The following CAMTA2 variants were observed in gnomAD, a reference collection of about 807,000 sequenced individuals.
CAMTA2 encodes the protein calmodulin-binding transcription activator 2.
Under a neutral mutation model 135.7 loss-of-function variants are expected in CAMTA2, and 56 were observed. The observed-to-expected ratio is 0.41, with a 90% CI of 0.33 to 0.52. CAMTA2 has a LOEUF of 0.52. Ranked by LOEUF, CAMTA2 falls within the 20% of genes least tolerant of loss-of-function variation. The pLI is 0.16. For synonymous variants in CAMTA2, 591 were observed against 604.6 expected, an observed-to-expected ratio of 0.98 and a Z score of 0.33; for missense variants, 1,358 against 1,553.4, an observed-to-expected ratio of 0.87 and a Z score of 2.11.
In CAMTA2 at chr17:4,974,395, G is replaced by A; in HGVS notation, c.2006C>T (p.Pro669Leu). The A allele has an allele frequency of 6.2e-7, 1 of 1,607,732 alleles. No homozygotes were observed. The highest frequency in any genetic ancestry group is 1.1e-5 in the South Asian group (1 of 90,944). The change falls in exon 12 of 23, where the codon CCT becomes CTT. Residue 669 changes from proline (P) to leucine (L), a missense_variant. Physicochemically the swap from Pro to Leu is moderately conservative, Grantham distance 98 (BLOSUM62 -3). Around this residue, in one of 4 missense-constraint regions of CAMTA2, gnomAD observed 1,077 missense variants for 1,127.5 expected, o/e 0.96. Coordinates refer to ENST00000348066, the MANE Select transcript of CAMTA2 (RefSeq NM_015099.4). ...GQVPCQGPDA[P>L]PVQDEGQGPG... ...TCCTCACAGAAGTACCTGAACTGGA[G>A]GAGCATCAGGACCCTGGCAAGGCAC...
chr17:4,970,114 T>G, intron 17 of CAMTA2, 29 bp from the exon 18 acceptor site: 1 of 1,600,964 alleles, frequency 6.2e-7, no homozygotes, highest in Non-Finnish European at 8.5e-7. Flanking sequence ...GAGGGTGTCA[T>G]GAAGCATCTG....
chr17:4,987,414 C>G (rs1356462716), intron 1 of CAMTA2, 179 bp downstream of exon 1: 2 of 1,375,752 alleles, frequency 1.5e-6, no homozygotes, highest in Non-Finnish European at 1.9e-6. Flanking sequence ...GCTGGTCCGC[C>G]GTGGGGCCCT....
chr17:4,972,134 C>A (rs1194838150), intron 16 of CAMTA2, 98 bp downstream of exon 16: 6 of 1,091,796 alleles, frequency 5.5e-6, no homozygotes, highest in Non-Finnish European at 8.1e-6. Flanking sequence ...TAGGCCCTTC[C>A]TAAACTGAAG....
In CAMTA2 at chr17:4,972,518, G is replaced by A. The variant is rs1338414516; in HGVS notation, c.2522C>T (p.Ser841Leu). The change falls in exon 16 of 23, where the codon TCG (serine) becomes TTG (leucine). Residue 841 changes from serine (S) to leucine (L), a missense_variant. By Grantham distance (145) the Ser-to-Leu change is moderately radical. This residue lies in a region of CAMTA2 where 1,077 missense variants were observed against 1,127.5 expected (regional missense o/e 0.96). Coordinates refer to ENST00000348066, the MANE Select transcript of CAMTA2 (RefSeq NM_015099.4). ...GGTGCCATCCGACAGCTCCGAGGGC[G>A]AGGAGACGCTGCTCAGACCTGTGTG... ...SPDTGLSSVS[S>L]PSELSDGTFS... The A allele has an allele frequency of 3.1e-6, 5 of 1,606,644 alleles. No homozygotes were observed. Among genetic ancestry groups the A allele is most frequent in the Non-Finnish European group, 2.5e-6 (3 of 1,177,096 alleles).
At chr17:4,987,208 C>T (rs549145440) in intron 1 of CAMTA2, 4 of 1,334,850 alleles carry the variant, frequency 3.0e-6, no homozygotes, top group Non-Finnish European at 3.8e-6. Flanking sequence ...ACTTGGGCGG[C>T]GCCGGATCGG....
Position 4,977,115 on chromosome 17 carries a change from G to A in CAMTA2, c.1843C>T (p.Arg615Ter). The A allele has an allele frequency of 6.2e-7, 1 of 1,614,054 alleles. No individual in the cohort carries two copies. Among genetic ancestry groups the A allele is most frequent in the Non-Finnish European group, 8.5e-7 (1 of 1,179,998 alleles). The change falls in exon 11 of 23, where the codon CGA (arginine) becomes TGA (stop). Residue 615 changes from arginine to a stop codon, truncating the protein, a stop_gained. Transcript: ENST00000348066. LOFTEE classifies it high-confidence loss of function. The stretch of plus-strand genomic sequence containing the variant: ...GGCAGAGACAGGAATCGGCGGGCTC[G>A]ATACTCAAAGAGCACAGAAGCAGAA... The part of the protein sequence containing the change: ...PLSASVLFEY[R>*]ARRFLSLPST...
At chr17:4,976,014 C>CT (rs1014098047) in intron 11 of CAMTA2, among the ~76,000 whole-genome samples, 166 of 151,500 alleles carry the variant, frequency 1.1e-3, no homozygotes, top group Admixed American at 4.6e-3. Context: ...AAATTTTTTT[C>CT]TTTTTTTTTG....
chr17:4,973,825 G>A (rs238229), intron 12 of CAMTA2, 56 bp from the exon 13 acceptor site: 1,183,610 of 1,497,100 alleles, frequency 0.79, 474,407 homozygotes, highest in African/African-American at 0.94. Flanking sequence ...CTGGCTTGAG[G>A]TGGCCTTGGC....
At chr17:4,987,191 G>A in intron 1 of CAMTA2, 1 of 1,341,168 alleles carries the variant, frequency 7.5e-7, no homozygotes. Flanking sequence ...GCGGGTCCTT[G>A]GGCTGCACTT....
chr17:4,969,817 G>A lies in CAMTA2; in HGVS notation c.3189+85C>T, dbSNP rs771424705. Reference sequence around the variant, plus strand: ...TACCCCATCCAAGGCCTGTCTGCACGACTACTCATCCTCCAAAAGCCCTGG... The same window carrying A: ...TACCCCATCCAAGGCCTGTCTGCACAACTACTCATCCTCCAAAAGCCCTGG... On this transcript the variant is annotated intron_variant, in intron 18 of 22. Transcript: ENST00000348066. This position sits in a 1 kb window ranked among gnomAD's most constrained non-coding sequence, Gnocchi z 5.6. 6.9e-6 allele frequency: 11 copies of A among 1,588,684 alleles called. No homozygotes were observed. In the South Asian group the frequency reaches 1.0e-4, roughly 14 times the overall value.
chr17:4,982,614 C>T (rs1170706177), intron 5 of CAMTA2, 143 bp downstream of exon 5: 7 of 908,394 alleles, frequency 7.7e-6, no homozygotes, highest in East Asian at 2.6e-5. Context: ...CAATGTCAGC[C>T]GACCCAAAGT....
At chr17:4,975,607 G>A (rs1972565805) in intron 11 of CAMTA2, among the ~76,000 whole-genome samples, 1 of 152,154 alleles carries the variant, frequency 6.6e-6, no homozygotes, top group African/African-American at 2.4e-5. Context: ...ACTCAAGTCA[G>A]AGACAAGCAA....
chr17:4,977,243 CT>C (rs1567691400), intron 10 of CAMTA2, 51 bp from the exon 11 acceptor site: 50 of 1,594,444 alleles, frequency 3.1e-5, no homozygotes, highest in Non-Finnish European at 4.2e-5. Flanking sequence ...GGCTCCTTCT[CT>C]GGCTACCTGT....
In CAMTA2 at chr17:4,970,507, G is replaced by A. The variant is rs1444739222; in HGVS notation, c.2838C>T (p.Ile946=). The A allele has an allele frequency of 3.1e-6, 5 of 1,612,506 alleles. No individual in the cohort carries two copies. Among genetic ancestry groups the A allele is most frequent in the Non-Finnish European group, 8.5e-7 (1 of 1,180,026 alleles). The change falls in exon 17 of 23, where the codon ATC becomes ATT. Residue 946 remains isoleucine (I), a synonymous_variant. Transcript: ENST00000348066. ...TAATCCGCTCCGGTGTGGCTTCGAT[G>A]ATCTGCTTGGCTAGTGAGATCATGT... is the stretch of plus-strand genomic sequence containing the variant. The part of the protein sequence containing the change: ...PVDMISLAKQ[I]IEATPERIKR...
Position 4,968,026 on chromosome 17 carries a change from A to G in CAMTA2, c.*730T>C. 1 of 576,692 alleles carries G rather than the reference A, an allele frequency of 1.7e-6. No individual in the cohort carries two copies. Among genetic ancestry groups the G allele is most frequent in the Non-Finnish European group, 3.1e-6 (1 of 322,138 alleles). The allele number at this position is 576,692 out of a possible 1,614,324, so 35.7% of individuals were successfully genotyped here. A position where few individuals can be genotyped will look rare whatever the true frequency, so the allele number is the denominator to read the frequency against. On this transcript the variant is annotated 3_prime_UTR_variant, in exon 23 of 23. Transcript: ENST00000348066. The stretch of plus-strand genomic sequence containing the variant: ...GCAGCGATGTTTAATGGCAATTCGT[A>G]TAAACCAAGCCCATGCACAAGTAGA...
At chr17:4,982,928 C>G (rs1180431387) in intron 4 of CAMTA2, 36 bp from the exon 5 acceptor site, 1 of 1,614,032 alleles carries the variant, frequency 6.2e-7, no homozygotes, top group Non-Finnish European at 8.5e-7. Flanking sequence ...GTTCTGTGAA[C>G]AGAACCCAGG....
At position 4,974,376 on chromosome 17, in the gene CAMTA2, C is replaced by G. The variant is rs746445583; in HGVS notation, c.2016+9G>C. The G allele has an allele frequency of 6.3e-7, 1 of 1,581,160 alleles. No homozygotes were observed. The highest frequency in any genetic ancestry group is 1.1e-5 in the South Asian group (1 of 90,420). On this transcript the variant is annotated intron_variant, in intron 12 of 22. Transcript: ENST00000348066. ...CCACCGTAGACCACCTCCCTCCTCA[C>G]AGAAGTACCTGAACTGGAGGAGCAT...
chr17:4,979,712 T>G lies in CAMTA2; in HGVS notation c.1610A>C (p.Asp537Ala). Residue 537 changes from aspartate to alanine, a missense_variant, in exon 9 of 23, where the codon GAC (aspartate) becomes GCC (alanine). Around this residue, in one of 4 missense-constraint regions of CAMTA2, gnomAD observed 1,077 missense variants for 1,127.5 expected, o/e 0.96. Transcript: ENST00000348066. ...TGGGTAGGACCACTCTGGGGAGAAG[T>G]CTGTGATGGTGCTAAGAGCAGGAGA... ...QLSPALSTIT[D>A]FSPEWSYPEG... is the part of the protein sequence containing the mutation. 6.2e-7 allele frequency: 1 copy of G among 1,613,480 alleles called. No homozygotes were observed.
Position 4,982,968 on chromosome 17 carries a change from T to C in CAMTA2, c.203+8A>G. ...CTGCCACTCCCCCATGTTCTCAAAC[T>C]TTCTCACCTTGTCTTTGGGGCACAA... is the stretch of plus-strand genomic sequence containing the variant. On this transcript the variant is annotated splice_region_variant and intron_variant, in intron 4 of 22. Transcript: ENST00000348066. 1 of 1,614,164 alleles carries C rather than the reference T, an allele frequency of 6.2e-7. No homozygotes were observed. Among genetic ancestry groups the C allele is most frequent in the African/African-American group, 1.3e-5 (1 of 75,036 alleles).
Sources: allele counts gnomAD v4.1 joint callset (sites outside exome capture counted in the v4.1 genomes callset), GRCh38; gene constraint gnomAD v4.1.1; regional missense constraint gnomAD v4.1.1; non-coding constraint Gnocchi (gnomAD v3.1); transcripts MANE v1.5; gene names NCBI Gene and HGNC (gene_info 2026-07-23, HGNC 2026-07-21).